Variants in XIAP observed in about 807,000 individuals in gnomAD.
XIAP encodes E3 ubiquitin-protein ligase XIAP.
In XIAP, 3 loss-of-function variants were observed where a neutral mutation model predicts 33.1. The observed-to-expected ratio is 0.09, with a 90% CI of 0.04 to 0.23. XIAP has a LOEUF of 0.23. Ranked by LOEUF, XIAP falls within the 10% of genes least tolerant of loss-of-function variation. XIAP has a pLI of 1.00. For missense variants in XIAP, 264 were observed against 363.0 expected, an observed-to-expected ratio of 0.73 and a Z score of 2.22; for synonymous variants, 98 against 121.3, an observed-to-expected ratio of 0.81 and a Z score of 1.26.
intron 5 of XIAP, among the ~76,000 whole-genome samples, chrX:123,899,609 CTT>C (rs1017596941): frequency 9.2e-6 from 1 of 108,568 alleles, no homozygotes; most frequent in Non-Finnish European, 1.9e-5. Flanking sequence ...TTTTGAAGTT[CTT>C]ATAAATGGAC....
rs2053564585 is a variant in XIAP at position 123,907,559 on chromosome X, G to A, written c.*378G>A. The A allele has an allele frequency of 5.3e-6, 2 of 379,625 alleles. No homozygotes were observed. The highest frequency in any genetic ancestry group is 3.1e-5 in the Admixed American group (1 of 32,473). 31.3% of individuals were successfully genotyped at this position (379,625 alleles called of 1,213,427 possible). A position where few individuals can be genotyped will look rare whatever the true frequency, so the allele number is the denominator to read the frequency against. On this transcript the variant is annotated 3_prime_UTR_variant, in exon 7 of 7. Coordinates refer to ENST00000371199, the MANE Select transcript of XIAP (RefSeq NM_001167.4). ...CAAATGGAGCTTTCTGTATATAAAT[G>A]TGGAGATTAGAGTTAATCTCCCCAA... is the stretch of plus-strand genomic sequence containing the variant.
In XIAP at chrX:123,907,694, T is replaced by C; in HGVS notation, c.*513T>C. 1.6e-5 allele frequency: 6 copies of C among 377,661 alleles called. No individual in the cohort carries two copies. The highest frequency in any genetic ancestry group is 2.0e-5 in the Non-Finnish European group (4 of 199,623). 31.1% of individuals were successfully genotyped at this position (377,661 alleles called of 1,213,427 possible). A position where few individuals can be genotyped will look rare whatever the true frequency, so the allele number is the denominator to read the frequency against. On this transcript the variant is annotated 3_prime_UTR_variant, in exon 7 of 7. Coordinates refer to ENST00000371199, the MANE Select transcript of XIAP (RefSeq NM_001167.4). ...GTGTTTTAGGATTCTGTCCATTTTCTTTTAAAGTTATAAACACGTACTTGT... is the reference window on the plus strand; with the variant it reads ...GTGTTTTAGGATTCTGTCCATTTTCCTTTAAAGTTATAAACACGTACTTGT...
chrX:123,896,750 T>C (rs2053464432), intron 5 of XIAP, among the ~76,000 whole-genome samples: 1 of 103,635 alleles, frequency 9.6e-6, no homozygotes, highest in African/African-American at 3.6e-5. Context: ...CTGGCTAATT[T>C]TTTTTGTATT....
chrX:123,890,486 C>T (rs2053397257), intron 3 of XIAP, among the ~76,000 whole-genome samples: 1 of 105,787 alleles, frequency 9.5e-6, no homozygotes, highest in Admixed American at 1.0e-4. Flanking sequence ...AAAAATTAGC[C>T]AGTCATGATG....
Position 123,900,480 on chromosome X carries a change from AT to A in XIAP, c.1100-8del. Reference sequence around the variant, plus strand: ...AATTCTATGTTCTTTTTCCTCACCAATTTTTATTTCAGATGATACCATCTTC... The same window carrying A: ...AATTCTATGTTCTTTTTCCTCACCAATTTTATTTCAGATGATACCATCTTC... On this transcript the variant is annotated splice_polypyrimidine_tract_variant and intron_variant, in intron 5 of 6. Transcript: ENST00000371199. The A allele has an allele frequency of 8.4e-7, 1 of 1,196,648 alleles. No individual in the cohort carries two copies. The highest frequency in any genetic ancestry group is 1.8e-5 in the South Asian group (1 of 56,086).
At position 123,897,346 on chromosome X, in the gene XIAP, A is replaced by C. The variant is rs753194952; in HGVS notation, c.1100-3147A>C. On this transcript the variant is annotated intron_variant, in intron 5 of 6. Coordinates refer to ENST00000371199, the MANE Select transcript of XIAP (RefSeq NM_001167.4). Reference sequence around the variant, plus strand: ...TCCAGGGTCACCAAGGTTTATACCTATGTTTTCTTCTAAGAGTTTTATGGT... The same window carrying C: ...TCCAGGGTCACCAAGGTTTATACCTCTGTTTTCTTCTAAGAGTTTTATGGT... 1.3e-4 allele frequency among the ~76,000 whole-genome samples: 15 copies of C among 111,858 alleles called. No homozygotes were observed. The South Asian group carries it at 5.5e-3, about 41-fold the overall frequency.
Position 123,894,956 on chromosome X carries a change from GTAAATAAATAAA to G in XIAP, c.1099+2212_1099+2223del, listed in dbSNP as rs113036397. 1.7e-3 allele frequency among the ~76,000 whole-genome samples: 179 copies of G among 105,742 alleles called. 1 individual carries two copies. Among genetic ancestry groups the G allele is most frequent in the African/African-American group, 4.4e-3 (129 of 29,146 alleles). 91.8% of individuals were successfully genotyped at this position (105,742 alleles called of 115,157 possible). A position where few individuals can be genotyped will look rare whatever the true frequency, so the allele number is the denominator to read the frequency against. ...GAGATTCTATCTCAAACATAAATAA[GTAAATAAATAAA>G]TAAATAAATAAATAAATAAATAAAT... On this transcript the variant is annotated intron_variant, in intron 5 of 6. Transcript: ENST00000371199.
intron 1 of XIAP, among the ~76,000 whole-genome samples, chrX:123,872,178 A>G (rs1006600787): frequency 9.0e-6 from 1 of 111,066 alleles, no homozygotes; most frequent in African/African-American, 3.3e-5. Context: ...ATTTTAGGGA[A>G]GTTTTTGCCC....
chrX:123,861,007 TCA>T (rs1460317036), intron 1 of XIAP, among the ~76,000 whole-genome samples: 1 of 112,003 alleles, frequency 8.9e-6, no homozygotes, highest in Non-Finnish European at 1.9e-5. Context: ...GTTTAATGAC[TCA>T]CAGAAATTTG....
At chrX:123,880,178 C>T (rs1479373603) in intron 1 of XIAP, among the ~76,000 whole-genome samples, 5 of 108,962 alleles carry the variant, frequency 4.6e-5, no homozygotes, top group African/African-American at 6.7e-5. Flanking sequence ...TTTGGGAGGC[C>T]GAGGCGGGCG....
chrX:123,862,632 G>A (rs1390610175), intron 1 of XIAP, among the ~76,000 whole-genome samples: 6 of 109,465 alleles, frequency 5.5e-5, no homozygotes, highest in Non-Finnish European at 1.1e-4. Flanking sequence ...ACGCCAAGGC[G>A]GGCAGATCAC....
At chrX:123,874,818 C>T (rs1313407071) in intron 1 of XIAP, among the ~76,000 whole-genome samples, 2 of 104,325 alleles carry the variant, frequency 1.9e-5, no homozygotes, top group African/African-American at 7.0e-5. Context: ...CCTCAGTCTC[C>T]TGAGTAGCTG....
intron 6 of XIAP, 35 bp from the exon 7 acceptor site, chrX:123,906,953 T>G: frequency 9.2e-6 from 11 of 1,199,777 alleles, no homozygotes; most frequent in Non-Finnish European, 1.2e-5. Flanking sequence ...ACTAAGAGAG[T>G]CTAAAACTAG....
At chrX:123,897,610 T>G (rs1429008478) in intron 5 of XIAP, among the ~76,000 whole-genome samples, 1 of 110,929 alleles carries the variant, frequency 9.0e-6, no homozygotes, top group African/African-American at 3.3e-5. Context: ...TCACCCAGGC[T>G]GGAGTGCAGT....
chrX:123,894,091 C>T (rs1456714165), intron 5 of XIAP, among the ~76,000 whole-genome samples: 1 of 112,188 alleles, frequency 8.9e-6, no homozygotes. Context: ...GCTTCTTTAT[C>T]CCATACTGTC....
chrX:123,887,980 A>C (rs1474996396), intron 2 of XIAP, among the ~76,000 whole-genome samples: 1 of 105,484 alleles, frequency 9.5e-6, no homozygotes, highest in Non-Finnish European at 1.9e-5. Flanking sequence ...GTAAAACTCC[A>C]TCTCAGAAAA....
intron 3 of XIAP, among the ~76,000 whole-genome samples, chrX:123,890,307 C>T (rs1278393224): frequency 4.7e-5 from 5 of 105,977 alleles, no homozygotes; most frequent in African/African-American, 6.8e-5. Context: ...TGAGCCACCG[C>T]GCCCGGCCCA....
chrX:123,888,614 C>T lies in XIAP; in HGVS notation c.878-5C>T, dbSNP rs367801081. 171 of 1,204,473 alleles carry T rather than the reference C, an allele frequency of 1.4e-4. 1 individual carries two copies. The Middle Eastern group carries it at 2.9e-3, about 20-fold the overall frequency. ...AAATACATATATTCCTGTGTGTTTT[C>T]GTAGGTGAAGGTGATAAAGTAAAGT... is the stretch of plus-strand genomic sequence containing the variant. On this transcript the variant is annotated splice_polypyrimidine_tract_variant and splice_region_variant and intron_variant, in intron 2 of 6. Coordinates refer to ENST00000371199, the MANE Select transcript of XIAP (RefSeq NM_001167.4).
At chrX:123,869,309 G>A (rs1312508507) in intron 1 of XIAP, among the ~76,000 whole-genome samples, 1 of 92,572 alleles carries the variant, frequency 1.1e-5, no homozygotes, top group Non-Finnish European at 2.1e-5. Context: ...GAGGTCAGGA[G>A]TTCAAGACCA....
Sources: gnomAD v4.1 joint callset for allele counts (sites outside exome capture counted in the v4.1 genomes callset) on GRCh38, gnomAD v4.1.1 for gene constraint, MANE v1.5 for transcripts, NCBI Gene and HGNC (gene_info 2026-07-23, HGNC 2026-07-21) for gene names.